Variants in FANCI observed in about 807,000 individuals in gnomAD.
FANCI encodes Fanconi anemia group I protein.
FANCI carries 156 observed loss-of-function variants against 176.1 expected under a neutral mutation model. The ratio of observed to expected loss-of-function variants is 0.89; its 90% confidence interval spans 0.78 to 1.01. The LOEUF (loss-of-function observed/expected upper bound fraction) is 1.01. Ranked by LOEUF, FANCI falls within the 50% of genes least tolerant of loss-of-function variation. The pLI is 0.00. For synonymous variants in FANCI, 613 were observed against 541.7 expected (o/e 1.13, Z -1.83); for missense variants, 1,678 against 1,534.1 (o/e 1.09, Z -1.57).
At chr15:89,273,162 A>G (rs1031715726) in intron 10 of FANCI, among the ~76,000 whole-genome samples, 3 of 151,924 alleles carry the variant, frequency 2.0e-5, no homozygotes, top group African/African-American at 7.3e-5. Context: ...TAAAAATTAA[A>G]AAATTAGCCA....
Position 89,258,684 on chromosome 15 carries a change from A to G in FANCI, c.85-20A>G. ...TAAAAGACTGTTGCCAGAGACTTGT[A>G]CCTTTTTCTTTCTTTGCAGTTGACT... is the stretch of plus-strand genomic sequence containing the variant. On this transcript the variant is annotated intron_variant, in intron 2 of 37. Coordinates refer to ENST00000310775, the MANE Select transcript of FANCI (RefSeq NM_001113378.2). 2 of 1,601,056 alleles carry G rather than the reference A, an allele frequency of 1.2e-6. No homozygotes were observed. Among genetic ancestry groups the G allele is most frequent in the Non-Finnish European group, 1.7e-6 (2 of 1,168,216 alleles).
intron 18 of FANCI, among the ~76,000 whole-genome samples, chr15:89,287,833 C>T (rs1314112468): frequency 6.6e-6 from 1 of 150,870 alleles, no homozygotes; most frequent in East Asian, 1.9e-4. Context: ...TCAGAACATA[C>T]ACAGCATTTA....
intron 2 of FANCI, among the ~76,000 whole-genome samples, chr15:89,250,823 C>T (rs1452024401): frequency 6.6e-6 from 1 of 150,628 alleles, no homozygotes; most frequent in Non-Finnish European, 1.5e-5. Flanking sequence ...TGTTAAAAAT[C>T]CATGGAATAA....
At chr15:89,287,682 G>A (rs948135674) in intron 18 of FANCI, among the ~76,000 whole-genome samples, 2 of 152,112 alleles carry the variant, frequency 1.3e-5, no homozygotes, top group East Asian at 1.9e-4. Flanking sequence ...AGAGACGTGC[G>A]ACTCTTCCTT....
intron 2 of FANCI, among the ~76,000 whole-genome samples, chr15:89,253,895 C>T (rs2151147960): frequency 7.2e-6 from 1 of 137,958 alleles, no homozygotes; most frequent in South Asian, 2.3e-4. Flanking sequence ...TGCTCAACTT[C>T]ACTCATAATA....
intron 13 of FANCI, among the ~76,000 whole-genome samples, chr15:89,277,351 C>G (rs1048878856): frequency 6.6e-6 from 1 of 152,076 alleles, no homozygotes; most frequent in Non-Finnish European, 1.5e-5. Flanking sequence ...CATGGTGGCT[C>G]AAGCCTATAA....
chr15:89,298,414 A>G (rs1335326499), intron 24 of FANCI, among the ~76,000 whole-genome samples: 1 of 152,234 alleles, frequency 6.6e-6, no homozygotes, highest in South Asian at 2.1e-4. Flanking sequence ...CGTCAGGGAA[A>G]TTAGAAAACA....
chr15:89,313,188 G>A (rs911568629), intron 35 of FANCI, among the ~76,000 whole-genome samples: 8 of 151,900 alleles, frequency 5.3e-5, no homozygotes, highest in African/African-American at 1.9e-4. Flanking sequence ...AAAACGGTAT[G>A]GAATTTCTTT....
chr15:89,288,490 T>G (rs1160845196), intron 18 of FANCI, among the ~76,000 whole-genome samples: 2 of 152,234 alleles, frequency 1.3e-5, no homozygotes, highest in Non-Finnish European at 2.9e-5. Flanking sequence ...GTGATAAAAC[T>G]TGTCATATTT....
chr15:89,285,329 G>GTCA, intron 18 of FANCI, 111 bp downstream of exon 18: 1 of 1,391,158 alleles, frequency 7.2e-7, no homozygotes, highest in African/African-American at 1.4e-5. Context: ...ACTTGATGTA[G>GTCA]TCAGCACCAG....
At chr15:89,274,146 A>G (rs1045947056) in intron 11 of FANCI, 22 bp from the exon 12 acceptor site, 2 of 1,503,722 alleles carry the variant, frequency 1.3e-6, no homozygotes, top group African/African-American at 2.8e-5. Flanking sequence ...TTTTTCATTT[A>G]TTTTTATTAA....
chr15:89,260,912 G>C, intron 4 of FANCI, 69 bp downstream of exon 4: 16 of 1,573,838 alleles, frequency 1.0e-5, no homozygotes, highest in African/African-American at 1.3e-5. Flanking sequence ...TTGAGGGAAG[G>C]AAAACTTAAG....
chr15:89,268,595 T>G, intron 10 of FANCI, 70 bp downstream of exon 10: 2 of 1,576,016 alleles, frequency 1.3e-6, no homozygotes, highest in Non-Finnish European at 1.7e-6. Context: ...GCCACTGTTA[T>G]GCCAGTTAAT....
intron 17 of FANCI, 58 bp from the exon 18 acceptor site, chr15:89,285,038 C>T (rs945333603): frequency 2.0e-5 from 32 of 1,611,370 alleles, no homozygotes; most frequent in Non-Finnish European, 2.5e-5. Flanking sequence ...GCTCATTTAG[C>T]TCCTTATTGG....
chr15:89,250,047 G>A (rs1316594950), intron 2 of FANCI, among the ~76,000 whole-genome samples: 1 of 152,148 alleles, frequency 6.6e-6, no homozygotes, highest in Non-Finnish European at 1.5e-5. Flanking sequence ...AACTGGAAAT[G>A]AAAACCGAAA....
intron 19 of FANCI, 75 bp downstream of exon 19, chr15:89,290,356 T>C: frequency 8.7e-7 from 1 of 1,149,706 alleles, no homozygotes; most frequent in Non-Finnish European, 1.3e-6. Flanking sequence ...TTTCAGACCT[T>C]TCAAAATATA....
In FANCI at chr15:89,292,722, C is replaced by T; in HGVS notation, c.2027C>T (p.Ala676Val). The T allele has an allele frequency of 6.2e-7, 1 of 1,613,648 alleles. No individual in the cohort carries two copies. Reference protein sequence around the residue: ...YLLCCIQHCLAWYKNTVIPLQ... With the variant: ...YLLCCIQHCLVWYKNTVIPLQ... ...CTGTGTTGTATTCAGCATTGTTTGG[C>T]CTGGTATAAGAATACAGTCATACCC... Residue 676 changes from alanine (A) to valine (V), a missense_variant, in exon 21 of 38, where the codon GCC (alanine) becomes GTC (valine). Coordinates refer to ENST00000310775, the MANE Select transcript of FANCI (RefSeq NM_001113378.2).
At position 89,316,395 on chromosome 15, in the gene FANCI, A is replaced by G. The variant is rs552379295; in HGVS notation, c.3925-2A>G. On this transcript the variant is annotated splice_acceptor_variant, in intron 37 of 37. Coordinates refer to ENST00000310775, the MANE Select transcript of FANCI (RefSeq NM_001113378.2). LOFTEE classifies it high-confidence loss of function. Reference sequence around the variant, plus strand: ...TAGAGCATTAATTCTTTCCCCTTCTAGGGCACTGCATCAGAGCATGGGGGA... The same window carrying G: ...TAGAGCATTAATTCTTTCCCCTTCTGGGGCACTGCATCAGAGCATGGGGGA... 1 of 1,611,288 alleles carries G rather than the reference A, an allele frequency of 6.2e-7. No individual in the cohort carries two copies. The highest frequency in any genetic ancestry group is 2.2e-5 in the East Asian group (1 of 44,788).
chr15:89,279,795 G>C (rs1342866915), intron 14 of FANCI, among the ~76,000 whole-genome samples: 2 of 151,956 alleles, frequency 1.3e-5, no homozygotes, highest in East Asian at 3.9e-4. Context: ...TACTGTCATT[G>C]TTTCTATCTT....
Sources: gnomAD v4.1 joint callset for allele counts (sites outside exome capture counted in the v4.1 genomes callset) on GRCh38, gnomAD v4.1.1 for gene constraint, MANE v1.5 for transcripts, NCBI Gene and HGNC (gene_info 2026-07-23, HGNC 2026-07-21) for gene names.